Variants in ZNF415 observed in about 807,000 individuals in gnomAD.
ZNF415 encodes the protein zinc finger protein 415.
ZNF415 carries 5 observed loss-of-function variants against 7.3 expected under a neutral mutation model. That is an observed-to-expected ratio of 0.69 (90% CI 0.36 to 1.44). The LOEUF (loss-of-function observed/expected upper bound fraction) is 1.44, where lower values mean the gene tolerates loss of function less well. ZNF415 is among the 40% of genes most tolerant of loss of function. ZNF415 has a pLI of 0.04. For missense variants in ZNF415, 628 were observed against 664.8 expected (o/e 0.94, Z 0.61); for synonymous variants, 207 against 226.3 (o/e 0.91, Z 0.77).
At chr19:53,113,641 ACAAATTG>A (rs2086585835) in intron 3 of ZNF415, among the ~76,000 whole-genome samples, 2 of 152,078 alleles carry the variant, frequency 1.3e-5, no homozygotes, top group Admixed American at 1.3e-4. Flanking sequence ...TGAACCTACA[ACAAATTG>A]AACCCAGGCT....
chr19:53,125,729 G>C (rs1420281318), intron 1 of ZNF415, among the ~76,000 whole-genome samples: 1 of 151,958 alleles, frequency 6.6e-6, no homozygotes, highest in Non-Finnish European at 1.5e-5. Context: ...CACGAGGTCG[G>C]GAGTTTGAGG....
At chr19:53,132,615 G>A (rs533565015) in intron 1 of ZNF415, 1 of 152,498 alleles carries the variant, frequency 6.6e-6, no homozygotes, top group East Asian at 1.9e-4. Context: ...AAAAGCCCGG[G>A]GATGGGGGAG....
At chr19:53,122,015 G>C (rs2088164184) in intron 2 of ZNF415, among the ~76,000 whole-genome samples, 1 of 151,860 alleles carries the variant, frequency 6.6e-6, no homozygotes, top group Admixed American at 6.6e-5. Flanking sequence ...GGGAAGCCGA[G>C]GTGGGTGGAT....
At chr19:53,114,399 C>T (rs1475668419) in intron 3 of ZNF415, among the ~76,000 whole-genome samples, 1 of 152,082 alleles carries the variant, frequency 6.6e-6, no homozygotes, top group Non-Finnish European at 1.5e-5. Context: ...AACTCCTGAC[C>T]TCAGGTGATC....
intron 1 of ZNF415, among the ~76,000 whole-genome samples, chr19:53,128,955 G>A (rs147575111): frequency 2.0e-3 from 291 of 147,648 alleles, no homozygotes; most frequent in African/African-American, 6.9e-3. Flanking sequence ...AATAATCCAC[G>A]CAGAAGAGTG....
At chr19:53,126,031 A>G (rs1304703914) in intron 1 of ZNF415, among the ~76,000 whole-genome samples, 1 of 151,292 alleles carries the variant, frequency 6.6e-6, no homozygotes, top group East Asian at 1.9e-4. Context: ...AAAAAAAAAA[A>G]AAGAGCCTGG....
intron 1 of ZNF415, among the ~76,000 whole-genome samples, chr19:53,130,014 G>A (rs1408048666): frequency 6.7e-6 from 1 of 150,184 alleles, no homozygotes; most frequent in Non-Finnish European, 1.5e-5. Flanking sequence ...GCAGTGAGCC[G>A]AGATTGCACC....
intron 1 of ZNF415, chr19:53,129,849 AG>A (rs1159226449): frequency 2.7e-6 from 1 of 370,456 alleles, no homozygotes; most frequent in Non-Finnish European, 4.8e-6. Context: ...AGATTACTTG[AG>A]GCCAGGAGTT....
chr19:53,121,335 A>G (rs1212434507), intron 2 of ZNF415, among the ~76,000 whole-genome samples: 2 of 150,916 alleles, frequency 1.3e-5, no homozygotes, highest in African/African-American at 2.4e-5. Flanking sequence ...CAGTGAGCCA[A>G]GATCGAGCCA....
At chr19:53,120,268 C>T (rs56881415) in intron 2 of ZNF415, among the ~76,000 whole-genome samples, 3,213 of 152,240 alleles carry the variant, frequency 0.021, 105 homozygotes, top group African/African-American at 0.072. Context: ...ATCACATCTG[C>T]CCCTTAAATA....
chr19:53,122,183 A>G (rs2088205688), intron 2 of ZNF415, among the ~76,000 whole-genome samples: 1 of 152,024 alleles, frequency 6.6e-6, no homozygotes, highest in Non-Finnish European at 1.5e-5. Flanking sequence ...GAGGCAGAGG[A>G]TTCAGTGAGC....
At chr19:53,118,721 G>C (rs1410193472) in intron 2 of ZNF415, among the ~76,000 whole-genome samples, 1 of 150,418 alleles carries the variant, frequency 6.6e-6, no homozygotes, top group East Asian at 1.9e-4. Flanking sequence ...AATTAAGGGG[G>C]AAATTAAAAA....
chr19:53,127,606 T>C (rs928727489), intron 1 of ZNF415, among the ~76,000 whole-genome samples: 1 of 152,072 alleles, frequency 6.6e-6, no homozygotes, highest in Non-Finnish European at 1.5e-5. Flanking sequence ...CGGCCGGGCG[T>C]GGTGGCTCCC....
At chr19:53,127,509 G>A (rs931575892) in intron 1 of ZNF415, among the ~76,000 whole-genome samples, 7 of 152,118 alleles carry the variant, frequency 4.6e-5, no homozygotes, top group Admixed American at 2.0e-4. Context: ...AATGATGCAC[G>A]TGCCCCAATG....
chr19:53,113,761 T>C (rs184102990), intron 3 of ZNF415, among the ~76,000 whole-genome samples: 1 of 152,214 alleles, frequency 6.6e-6, no homozygotes, highest in Non-Finnish European at 1.5e-5. Context: ...ATACATATGA[T>C]GCTGTGAACT....
intron 3 of ZNF415, among the ~76,000 whole-genome samples, chr19:53,113,130 A>G (rs1325837572): frequency 6.7e-6 from 1 of 149,882 alleles, no homozygotes. Context: ...TTTACGACTA[A>G]ATGAAAAAGA....
chr19:53,125,190 C>T (rs1291467181), intron 1 of ZNF415, among the ~76,000 whole-genome samples: 3 of 151,834 alleles, frequency 2.0e-5, no homozygotes, highest in Non-Finnish European at 2.9e-5. Context: ...ATTACAGGCA[C>T]ATGCCACCAT....
At chr19:53,110,838 G>A (rs1182809957) in intron 3 of ZNF415, among the ~76,000 whole-genome samples, 1 of 152,162 alleles carries the variant, frequency 6.6e-6, no homozygotes, top group African/African-American at 2.4e-5. Flanking sequence ...TCACAATTAT[G>A]ACTTCACACC....
At position 53,109,867 on chromosome 19, in the gene ZNF415, G is replaced by C. The variant is rs777653915; in HGVS notation, c.178C>G (p.Gln60Glu). Reference protein sequence around the residue: ...NCVIKELAPQQEGNPGEVFHT... With the variant: ...NCVIKELAPQEEGNPGEVFHT... ...AATACTTCTCCTGGGTTACCTTCCT[G>C]TTGTGGTGCTAGTTCCTTGATTACA... The change falls in exon 4 of 4, where the codon CAG becomes GAG. Residue 60 changes from glutamine to glutamate, a missense_variant. Gln to Glu is a conservative substitution (Grantham distance 29). Coordinates refer to ENST00000243643, the MANE Select transcript of ZNF415 (RefSeq NM_018355.4). 1.2e-6 allele frequency: 2 copies of C among 1,607,578 alleles called. No individual in the cohort carries two copies. The highest frequency in any genetic ancestry group is 1.7e-6 in the Non-Finnish European group (2 of 1,178,134).
Sources: allele counts gnomAD v4.1 joint callset (sites outside exome capture counted in the v4.1 genomes callset), GRCh38; gene constraint gnomAD v4.1.1; transcripts MANE v1.5; gene names NCBI Gene and HGNC (gene_info 2026-07-23, HGNC 2026-07-21).